The following CSMD2 variants were observed in gnomAD, a reference collection of about 807,000 sequenced individuals.
CSMD2 encodes CUB and sushi domain-containing protein 2.
Under a neutral mutation model 398.5 loss-of-function variants are expected in CSMD2, and 130 were observed. That is an observed-to-expected ratio of 0.33 (90% CI 0.28 to 0.38). CSMD2 has a LOEUF of 0.38. Among genes scored for constraint, CSMD2 ranks in the 10% least tolerant of loss-of-function variants. CSMD2 has a pLI of 1.00. For synonymous variants in CSMD2, 1,828 were observed against 1,908.5 expected (o/e 0.96, Z 1.10); for missense variants, 3,829 against 4,764.9 (o/e 0.80, Z 5.78).
chr1:34,047,322 C>T (rs1404871171), intron 2 of CSMD2, among the ~76,000 whole-genome samples: 1 of 152,174 alleles, frequency 6.6e-6, no homozygotes, highest in African/African-American at 2.4e-5. Flanking sequence ...CATCTCTTCC[C>T]CCAGATGTGT....
At position 33,820,475 on chromosome 1, in the gene CSMD2, T is replaced by C; in HGVS notation, c.1193A>G (p.Asp398Gly). The change falls in exon 8 of 71, where the codon GAT (aspartate) becomes GGT (glycine). Residue 398 changes from aspartate to glycine, a missense_variant. This residue lies in a region of CSMD2 where 2,001 missense variants were observed against 2,567.1 expected (regional missense o/e 0.78). Coordinates refer to ENST00000373381, the MANE Select transcript of CSMD2 (RefSeq NM_001281956.2). Reference sequence around the variant, plus strand: ...ATTCCCAAATAGATCTTACCTGAAATCCGAGCCTAGTCTTTTGCCCCTTTC... The same window carrying C: ...ATTCCCAAATAGATCTTACCTGAAACCCGAGCCTAGTCTTTTGCCCCTTTC... ...IPERGKRLGSDFRLGSSVQFT... is the reference protein window; with the variant it reads ...IPERGKRLGSGFRLGSSVQFT... 1.9e-6 allele frequency: 3 copies of C among 1,596,598 alleles called. No homozygotes were observed. The highest frequency in any genetic ancestry group is 1.7e-6 in the Non-Finnish European group (2 of 1,170,766).
At chr1:33,601,920 C>A (rs1023987539) in intron 43 of CSMD2, among the ~76,000 whole-genome samples, 1 of 152,240 alleles carries the variant, frequency 6.6e-6, no homozygotes, top group Admixed American at 6.5e-5. Context: ...ACAGTTCCAT[C>A]ACTGCAGAAA....
chr1:33,527,450 A>C (rs954581080), intron 64 of CSMD2, among the ~76,000 whole-genome samples, 192 bp from the exon 65 acceptor site: 1 of 152,214 alleles, frequency 6.6e-6, no homozygotes, highest in Non-Finnish European at 1.5e-5. Context: ...CAGAATAAAA[A>C]ATACAAAGAA....
In CSMD2 at chr1:33,622,177, C is replaced by T; in HGVS notation, c.5817G>A (p.Leu1939=). Residue 1939 remains leucine (L), a synonymous_variant, in exon 37 of 71, where the codon TTG becomes TTA. Coordinates refer to ENST00000373381, the MANE Select transcript of CSMD2 (RefSeq NM_001281956.2). ...ACCCTGGATTCTCACTTTTGTACTC[C>T]AAGTGGAAGCCAGCTGCAGATACGC... ...DISVSAAGFH[L]EYKTVGLSSC... The T allele has an allele frequency of 6.2e-7, 1 of 1,613,130 alleles. No individual in the cohort carries two copies. Among genetic ancestry groups the T allele is most frequent in the Non-Finnish European group, 8.5e-7 (1 of 1,179,150 alleles).
At chr1:33,790,655 T>TTGTCTGTC (rs375434735) in intron 11 of CSMD2, among the ~76,000 whole-genome samples, 1 of 124,630 alleles carries the variant, frequency 8.0e-6, no homozygotes, top group Non-Finnish European at 1.7e-5. Flanking sequence ...TATTTGCTGT[T>TTGTCTGTC]TGTCTGTCTA....
chr1:34,061,632 T>A (rs1426913491), intron 2 of CSMD2, among the ~76,000 whole-genome samples: 4 of 152,238 alleles, frequency 2.6e-5, no homozygotes, highest in African/African-American at 4.8e-5. Flanking sequence ...TTCACAGAGT[T>A]CTTGTAAGAC....
chr1:33,733,761 T>C (rs1646795192), intron 15 of CSMD2, among the ~76,000 whole-genome samples: 1 of 152,206 alleles, frequency 6.6e-6, no homozygotes, highest in Non-Finnish European at 1.5e-5. Flanking sequence ...TGCTTCTCTT[T>C]TGCCTTTCAC....
At chr1:33,675,433 C>G (rs1038683822) in intron 25 of CSMD2, among the ~76,000 whole-genome samples, 1 of 152,132 alleles carries the variant, frequency 6.6e-6, no homozygotes, top group Non-Finnish European at 1.5e-5. Context: ...TCTGAATAGA[C>G]CAATAACAGG....
At position 33,633,199 on chromosome 1, in the gene CSMD2, G is replaced by C. The variant is rs1276459194; in HGVS notation, c.5200+223C>G. On this transcript the variant is annotated intron_variant, in intron 32 of 70. Coordinates refer to ENST00000373381, the MANE Select transcript of CSMD2 (RefSeq NM_001281956.2). This position sits in a 1 kb window ranked among gnomAD's most constrained non-coding sequence, Gnocchi z 5.0. ...CAGGAGAAGGCTACACCACAAGGGGGCGGTGTAGACACAGTCTGGGTGAGG... is the reference window on the plus strand; with the variant it reads ...CAGGAGAAGGCTACACCACAAGGGGCCGGTGTAGACACAGTCTGGGTGAGG... Among the ~76,000 whole-genome samples the C allele has an allele frequency of 6.6e-6, 1 of 152,218 alleles. No homozygotes were observed. The highest frequency in any genetic ancestry group is 1.5e-5 in the Non-Finnish European group (1 of 68,038).
chr1:33,613,696 G>A (rs1641195344), intron 40 of CSMD2, among the ~76,000 whole-genome samples: 1 of 152,182 alleles, frequency 6.6e-6, no homozygotes, highest in African/African-American at 2.4e-5. Flanking sequence ...GGGCTATGCA[G>A]GCATAATCCC....
chr1:33,628,176 G>A (rs1359057320), intron 32 of CSMD2, among the ~76,000 whole-genome samples: 1 of 152,178 alleles, frequency 6.6e-6, no homozygotes, highest in Non-Finnish European at 1.5e-5. Context: ...AGAAATGCTA[G>A]TGCAAGCAGC....
At chr1:33,619,908 CAA>C (rs1264944581) in intron 37 of CSMD2, among the ~76,000 whole-genome samples, 1 of 152,092 alleles carries the variant, frequency 6.6e-6, no homozygotes, top group Non-Finnish European at 1.5e-5. Flanking sequence ...CCAAGTAGAA[CAA>C]AACTCACTAT....
chr1:34,012,200 A>G (rs1647442269), intron 3 of CSMD2, among the ~76,000 whole-genome samples: 2 of 152,190 alleles, frequency 1.3e-5, no homozygotes, highest in Admixed American at 1.3e-4. Flanking sequence ...TTGCTCCTCC[A>G]GCAGATCAGG....
intron 1 of CSMD2, among the ~76,000 whole-genome samples, chr1:34,122,473 C>G (rs1662292433): frequency 6.6e-6 from 1 of 152,136 alleles, no homozygotes. Flanking sequence ...GCAGGGCCCT[C>G]CCTGTCCAGC....
At chr1:34,000,653 TAAAC>T (rs751635460) in intron 3 of CSMD2, among the ~76,000 whole-genome samples, 62 of 151,718 alleles carry the variant, frequency 4.1e-4, no homozygotes, top group Non-Finnish European at 6.3e-4. Context: ...AATTACAAAA[TAAAC>T]AAACAAAATA....
chr1:33,835,851 C>A (rs1344814416), intron 6 of CSMD2, among the ~76,000 whole-genome samples: 1 of 152,098 alleles, frequency 6.6e-6, no homozygotes, highest in Non-Finnish European at 1.5e-5. Flanking sequence ...CTGAAGCCTT[C>A]TTCTCTTAAC....
intron 3 of CSMD2, among the ~76,000 whole-genome samples, chr1:33,980,017 C>G (rs949283210): frequency 6.6e-6 from 1 of 152,142 alleles, no homozygotes; most frequent in Non-Finnish European, 1.5e-5. Context: ...TTGTAGGCAA[C>G]TTGGTAGATA....
At chr1:34,050,483 C>T (rs1653050162) in intron 2 of CSMD2, among the ~76,000 whole-genome samples, 1 of 152,180 alleles carries the variant, frequency 6.6e-6, no homozygotes, top group Non-Finnish European at 1.5e-5. Flanking sequence ...ATTCACTGGT[C>T]CTACCATGTG....
chr1:33,853,250 C>T (rs998859509), intron 5 of CSMD2, among the ~76,000 whole-genome samples: 23 of 152,174 alleles, frequency 1.5e-4, no homozygotes, highest in African/African-American at 5.1e-4. Flanking sequence ...TGCTACAGAT[C>T]GTCCAGCCAA....
Sources: gnomAD v4.1 joint callset for allele counts (sites outside exome capture counted in the v4.1 genomes callset) on GRCh38, gnomAD v4.1.1 for gene constraint, gnomAD v4.1.1 regional missense constraint, Gnocchi (gnomAD v3.1) non-coding constraint, MANE v1.5 for transcripts, NCBI Gene and HGNC (gene_info 2026-07-23, HGNC 2026-07-21) for gene names.